The following DNM3 variants were observed in gnomAD, a reference collection of about 807,000 sequenced individuals.
The protein encoded by DNM3 is dynamin-3.
DNM3 carries 47 observed loss-of-function variants against 101.6 expected under a neutral mutation model. That is an observed-to-expected ratio of 0.46 (90% confidence interval 0.37 to 0.59). The LOEUF is 0.59. DNM3 is among the 20% of genes least tolerant of loss of function. The probability of loss-of-function intolerance (pLI) is 0.00; values close to 1 mark genes in which losing one functional copy is unlikely to be tolerated. For synonymous variants in DNM3, 385 were observed against 387.9 expected, an observed-to-expected ratio of 0.99 and a Z score of 0.09; for missense variants, 849 against 1,085.7, an observed-to-expected ratio of 0.78 and a Z score of 3.06.
chr1:171,866,271 A>G (rs1420550967), intron 1 of DNM3, among the ~76,000 whole-genome samples: 1 of 152,138 alleles, frequency 6.6e-6, no homozygotes, highest in Non-Finnish European at 1.5e-5. Flanking sequence ...ACACAATAGA[A>G]TCCTAACTTC....
intron 14 of DNM3, among the ~76,000 whole-genome samples, chr1:172,164,237 T>C (rs1436975030): frequency 1.3e-5 from 2 of 148,548 alleles, no homozygotes; most frequent in East Asian, 2.0e-4. Context: ...CTTTTCTTTT[T>C]TTTTTTTTTT....
chr1:172,233,119 A>C (rs886137917), intron 14 of DNM3, among the ~76,000 whole-genome samples: 4 of 152,234 alleles, frequency 2.6e-5, no homozygotes, highest in Non-Finnish European at 5.9e-5. Context: ...TGAAAAGATC[A>C]ACAAAATTGA....
intron 14 of DNM3, among the ~76,000 whole-genome samples, chr1:172,168,028 A>C (rs1333895952): frequency 6.6e-6 from 1 of 151,960 alleles, no homozygotes; most frequent in Admixed American, 6.6e-5. Context: ...TGAACATACC[A>C]TCTCCGGGAG....
At chr1:172,191,984 AT>A (rs1467574633) in intron 14 of DNM3, among the ~76,000 whole-genome samples, 5 of 151,928 alleles carry the variant, frequency 3.3e-5, no homozygotes, top group African/African-American at 1.2e-4. Context: ...AATACTCCTT[AT>A]TTCTTTCTCC....
At chr1:172,263,960 A>G (rs1053866396) in intron 15 of DNM3, among the ~76,000 whole-genome samples, 1 of 152,236 alleles carries the variant, frequency 6.6e-6, no homozygotes, top group Non-Finnish European at 1.5e-5. Flanking sequence ...TATACATGAA[A>G]TTAATGAGTT....
At chr1:172,178,855 C>G (rs2148381069) in intron 14 of DNM3, among the ~76,000 whole-genome samples, 1 of 151,944 alleles carries the variant, frequency 6.6e-6, no homozygotes, top group Non-Finnish European at 1.5e-5. Context: ...TAAGGGGTCA[C>G]CTTATGGAGA....
intron 4 of DNM3, among the ~76,000 whole-genome samples, chr1:172,001,007 T>C (rs1346493012): frequency 6.6e-6 from 1 of 151,962 alleles, no homozygotes; most frequent in African/African-American, 2.4e-5. Context: ...TGCAGGAGAA[T>C]GGGATAAAGG....
intron 14 of DNM3, chr1:172,133,433 A>G (rs1038199430): frequency 2.3e-5 from 23 of 985,646 alleles, no homozygotes; most frequent in Non-Finnish European, 2.7e-5. Context: ...GCTGTGTATA[A>G]CCAAGGTATG....
At chr1:172,277,223 A>G (rs1234962529) in intron 15 of DNM3, among the ~76,000 whole-genome samples, 1 of 152,030 alleles carries the variant, frequency 6.6e-6, no homozygotes, top group Non-Finnish European at 1.5e-5. Context: ...AATTTTCTAG[A>G]TTTCTAGGAC....
intron 14 of DNM3, among the ~76,000 whole-genome samples, chr1:172,235,250 T>C (rs1307237738): frequency 6.6e-6 from 1 of 152,188 alleles, no homozygotes; most frequent in African/African-American, 2.4e-5. Flanking sequence ...GAAAAAATGC[T>C]TATCATCACT....
At chr1:172,256,657 TTTTTC>T (rs1156783859) in intron 15 of DNM3, among the ~76,000 whole-genome samples, 3 of 151,976 alleles carry the variant, frequency 2.0e-5, no homozygotes, top group Non-Finnish European at 4.4e-5. Context: ...TTGTGTATAT[TTTTTC>T]TATTCCAATA....
rs151321245 is a variant in DNM3 at position 171,911,273 on chromosome 1, C to CTTT, written c.162-10453_162-10451dup. Among the ~76,000 whole-genome samples the CTTT allele has an allele frequency of 2.8e-3, 250 of 90,702 alleles. 11 individuals are homozygous for CTTT. The highest frequency in any genetic ancestry group is 8.3e-3 in the Middle Eastern group (1 of 120). The allele number at this position is 90,702 out of a possible 152,430, so 59.5% of individuals were successfully genotyped here. A position where few individuals can be genotyped will look rare whatever the true frequency, so the allele number is the denominator to read the frequency against. On this transcript the variant is annotated intron_variant, in intron 1 of 20. Coordinates refer to ENST00000627582, the MANE Select transcript of DNM3 (RefSeq NM_015569.5). ...TAAATACCTCACTTTACCCCAACATCTTTTTTTTTTTTTTTTTTTTTTTTG... is the reference window on the plus strand; with the variant it reads ...TAAATACCTCACTTTACCCCAACATCTTTTTTTTTTTTTTTTTTTTTTTTTTTG...
intron 14 of DNM3, among the ~76,000 whole-genome samples, chr1:172,239,520 C>A (rs1401468450): frequency 6.6e-6 from 1 of 152,112 alleles, no homozygotes; most frequent in Admixed American, 6.6e-5. Flanking sequence ...GTTCACATAG[C>A]TAGTGTCAGA....
At chr1:171,947,402 A>G (rs2042237520) in intron 2 of DNM3, among the ~76,000 whole-genome samples, 2 of 152,156 alleles carry the variant, frequency 1.3e-5, no homozygotes, top group Non-Finnish European at 2.9e-5. Flanking sequence ...AAGGATGTGC[A>G]TTATCCATCA....
intron 14 of DNM3, among the ~76,000 whole-genome samples, chr1:172,179,595 G>A (rs911852156): frequency 6.6e-6 from 1 of 151,702 alleles, no homozygotes; most frequent in Non-Finnish European, 1.5e-5. Flanking sequence ...AATGTATACA[G>A]GCAATATTTA....
chr1:172,062,432 C>T (rs1021161431), intron 10 of DNM3, among the ~76,000 whole-genome samples: 2 of 152,104 alleles, frequency 1.3e-5, no homozygotes, highest in African/African-American at 4.8e-5. Flanking sequence ...TAGGTGAGGA[C>T]TTTTTTGTTT....
rs547584082 is a variant in DNM3 at position 172,410,590 on chromosome 1, T to C, written c.*2749T>C. The C allele has an allele frequency of 2.2e-4, 214 of 984,940 alleles. 1 individual carries two copies. The African/African-American group carries it at 3.6e-3, about 17-fold the overall frequency. 61.0% of individuals were successfully genotyped at this position (984,940 alleles called of 1,614,324 possible). A position where few individuals can be genotyped will look rare whatever the true frequency, so the allele number is the denominator to read the frequency against. On this transcript the variant is annotated 3_prime_UTR_variant, in exon 21 of 21. Coordinates refer to ENST00000627582, the MANE Select transcript of DNM3 (RefSeq NM_015569.5). The stretch of plus-strand genomic sequence containing the variant: ...TTATGGACAGCTTATTGAAATAGTA[T>C]TGATTTAGAAAAAGTATATTGCATT...
At chr1:171,869,236 T>C (rs796664633) in intron 1 of DNM3, among the ~76,000 whole-genome samples, 9 of 152,336 alleles carry the variant, frequency 5.9e-5, no homozygotes, top group African/African-American at 2.2e-4. Flanking sequence ...CACTCTGAAT[T>C]AAGGTATGTG....
intron 10 of DNM3, among the ~76,000 whole-genome samples, chr1:172,053,274 T>C (rs1212020814): frequency 6.6e-6 from 1 of 152,118 alleles, no homozygotes; most frequent in African/African-American, 2.4e-5. Flanking sequence ...GCATAAGTGA[T>C]TCCTTTTGTC....
Sources: gnomAD v4.1 joint callset for allele counts (sites outside exome capture counted in the v4.1 genomes callset) on GRCh38, gnomAD v4.1.1 for gene constraint, MANE v1.5 for transcripts, NCBI Gene and HGNC (gene_info 2026-07-23, HGNC 2026-07-21) for gene names.